SMAD1: variants seen among roughly 807,000 people sequenced by gnomAD.
The protein encoded by SMAD1 is SMAD family member 1, also known as MAD, mothers against decapentaplegic homolog 1.
SMAD1 carries 6 observed loss-of-function variants against 41.6 expected under a neutral mutation model. That is an observed-to-expected ratio of 0.14 (90% CI 0.08 to 0.28). The LOEUF (loss-of-function observed/expected upper bound fraction) is 0.28. Among genes scored for constraint, SMAD1 ranks in the 10% least tolerant of loss-of-function variants. The pLI, the probability that SMAD1 is intolerant of heterozygous loss-of-function variation, is 1.00. For missense variants in SMAD1, 379 were observed against 582.6 expected, an observed-to-expected ratio of 0.65 and a Z score of 3.60; for synonymous variants, 206 against 203.2, an observed-to-expected ratio of 1.01 and a Z score of -0.12.
chr4:145,500,087 T>C (rs1262145858), intron 1 of SMAD1, among the ~76,000 whole-genome samples: 1 of 152,230 alleles, frequency 6.6e-6, no homozygotes, highest in Non-Finnish European at 1.5e-5. Context: ...ATATCCAGAA[T>C]CTGACGACTT....
chr4:145,543,245 G>C (rs980691950), intron 4 of SMAD1, among the ~76,000 whole-genome samples: 1 of 152,182 alleles, frequency 6.6e-6, no homozygotes, highest in Non-Finnish European at 1.5e-5. Flanking sequence ...GGGATTACAG[G>C]CGTGAGCCAC....
intron 1 of SMAD1, among the ~76,000 whole-genome samples, chr4:145,492,616 A>T (rs574930755): frequency 6.6e-6 from 1 of 152,150 alleles, no homozygotes; most frequent in African/African-American, 2.4e-5. Flanking sequence ...GGCATGATTG[A>T]TTATACCATT....
intron 2 of SMAD1, among the ~76,000 whole-genome samples, chr4:145,535,472 G>A (rs1731559434): frequency 6.6e-6 from 1 of 152,178 alleles, no homozygotes; most frequent in Non-Finnish European, 1.5e-5. Context: ...CTTTGGTGTT[G>A]TTATCTGTCA....
intron 2 of SMAD1, among the ~76,000 whole-genome samples, chr4:145,538,697 T>A (rs906034933): frequency 2.0e-5 from 3 of 152,172 alleles, no homozygotes; most frequent in Non-Finnish European, 4.4e-5. Context: ...CCAACAATAA[T>A]CATAAGTTTT....
chr4:145,530,009 C>T (rs1293244958), intron 2 of SMAD1, among the ~76,000 whole-genome samples: 2 of 152,156 alleles, frequency 1.3e-5, no homozygotes, highest in Non-Finnish European at 2.9e-5. Flanking sequence ...TTATAGTAGA[C>T]AGGTCAGGAA....
intron 1 of SMAD1, among the ~76,000 whole-genome samples, chr4:145,498,913 T>C (rs912592906): frequency 7.2e-5 from 11 of 152,236 alleles, no homozygotes; most frequent in African/African-American, 2.7e-4. Context: ...AACATAGATC[T>C]TTGTGTGTGT....
chr4:145,550,545 A>G (rs1228155182), intron 5 of SMAD1, among the ~76,000 whole-genome samples: 2 of 152,160 alleles, frequency 1.3e-5, no homozygotes, highest in Non-Finnish European at 2.9e-5. Context: ...AAAACAAAAG[A>G]GATAAATAAA....
rs2126394163 is a variant in SMAD1, at chr4:145,511,781, C to T, written c.-176-2657C>T. Among the ~76,000 whole-genome samples the T allele has an allele frequency of 1.3e-5, 2 of 152,278 alleles. 1 individual carries two copies. The highest frequency in any genetic ancestry group is 1.3e-4 in the Admixed American group (2 of 15,302). ...TTAATTGTACATATATTTTAAACAT[C>T]ACAAGACATTCCTATTGTTGTTTTG... On this transcript the variant is annotated intron_variant, in intron 1 of 6. Transcript: ENST00000302085.
At chr4:145,524,041 A>G (rs1730900084) in intron 2 of SMAD1, among the ~76,000 whole-genome samples, 1 of 152,188 alleles carries the variant, frequency 6.6e-6, no homozygotes. Flanking sequence ...CTGGGATTAC[A>G]GGCATGAGCT....
At chr4:145,500,312 A>G (rs1729355748) in intron 1 of SMAD1, among the ~76,000 whole-genome samples, 3 of 151,844 alleles carry the variant, frequency 2.0e-5, no homozygotes, top group African/African-American at 7.3e-5. Context: ...TTGGGTCAAA[A>G]GCTCTGAAGT....
At position 145,539,893 on chromosome 4, in the gene SMAD1, C is replaced by A; in HGVS notation, c.490C>A (p.Pro164Thr). 3 of 1,614,028 alleles carry A rather than the reference C, an allele frequency of 1.9e-6. No individual in the cohort carries two copies. Among genetic ancestry groups the A allele is most frequent in the Non-Finnish European group, 2.5e-6 (3 of 1,179,978 alleles). Reference protein sequence around the residue: ...AQFRNLGQNEPHMPLNATFPD... With the variant: ...AQFRNLGQNETHMPLNATFPD... ...GTTCCGTAACTTAGGACAAAATGAGCCTCACATGCCACTCAACGCCACTTT... is the reference window on the plus strand; with the variant it reads ...GTTCCGTAACTTAGGACAAAATGAGACTCACATGCCACTCAACGCCACTTT... The change falls in exon 3 of 7, where the codon CCT (proline) becomes ACT (threonine). Residue 164 changes from proline (P) to threonine (T), a missense_variant. Pro to Thr is a conservative substitution (Grantham distance 38, BLOSUM62 -1). Coordinates refer to ENST00000302085, the MANE Select transcript of SMAD1 (RefSeq NM_005900.3).
intron 1 of SMAD1, among the ~76,000 whole-genome samples, chr4:145,496,745 A>G (rs1729099413): frequency 6.6e-6 from 1 of 152,092 alleles, no homozygotes; most frequent in Non-Finnish European, 1.5e-5. Context: ...ATACCAAGGG[A>G]TGACTATACT....
In SMAD1 at chr4:145,514,331, C is replaced by G; in HGVS notation, c.-176-107C>G. On this transcript the variant is annotated intron_variant, in intron 1 of 6. Coordinates refer to ENST00000302085, the MANE Select transcript of SMAD1 (RefSeq NM_005900.3). The surrounding 1 kb of genome is among the most constrained non-coding windows in gnomAD (Gnocchi z 4.7). ...GGGTCACAATTCAGTCCACAGCATA[C>G]TGTATTACATAAAAGCACTTAAAAT... 3.3e-6 allele frequency: 1 copy of G among 299,778 alleles called. No homozygotes were observed. Among genetic ancestry groups the G allele is most frequent in the Non-Finnish European group, 6.1e-6 (1 of 163,980 alleles). 18.6% of individuals were successfully genotyped at this position (299,778 alleles called of 1,614,324 possible). A position where few individuals can be genotyped will look rare whatever the true frequency, so the allele number is the denominator to read the frequency against.
chr4:145,513,627 T>TA (rs1730213173), intron 1 of SMAD1, among the ~76,000 whole-genome samples: 2 of 152,218 alleles, frequency 1.3e-5, no homozygotes, highest in African/African-American at 4.8e-5. Flanking sequence ...TTACTACATT[T>TA]ATATAAGAGG....
intron 2 of SMAD1, among the ~76,000 whole-genome samples, chr4:145,531,249 A>G (rs1230472935): frequency 1.3e-5 from 2 of 152,202 alleles, no homozygotes; most frequent in Non-Finnish European, 2.9e-5. Flanking sequence ...ATAAATGTGT[A>G]TACTATTAAT....
At chr4:145,529,158 T>G (rs1035739481) in intron 2 of SMAD1, among the ~76,000 whole-genome samples, 1 of 152,222 alleles carries the variant, frequency 6.6e-6, no homozygotes, top group African/African-American at 2.4e-5. Context: ...TTTCCAATTT[T>G]GGAACTGAGA....
chr4:145,549,804 AT>A (rs1382126099), intron 5 of SMAD1, among the ~76,000 whole-genome samples: 1 of 152,214 alleles, frequency 6.6e-6, no homozygotes, highest in Non-Finnish European at 1.5e-5. Context: ...CTCTTATATA[AT>A]TAAAGGAAAA....
At chr4:145,536,758 C>T (rs558200135) in intron 2 of SMAD1, among the ~76,000 whole-genome samples, 6 of 152,174 alleles carry the variant, frequency 3.9e-5, no homozygotes, top group Admixed American at 2.0e-4. Flanking sequence ...TACACAGTCT[C>T]GTGGTATCTC....
chr4:145,550,159 A>G lies in SMAD1; in HGVS notation c.997+3235A>G, dbSNP rs115930073. Reference sequence around the variant, plus strand: ...GCAAGATGATCATTATGTGTAGATGATATGTTTGATTGACAGTATTCTCGG... The same window carrying G: ...GCAAGATGATCATTATGTGTAGATGGTATGTTTGATTGACAGTATTCTCGG... On this transcript the variant is annotated intron_variant, in intron 5 of 6. Transcript: ENST00000302085. 3.9e-3 allele frequency among the ~76,000 whole-genome samples: 589 copies of G among 151,796 alleles called. 4 individuals are homozygous for G. Among genetic ancestry groups the G allele is most frequent in the African/African-American group, 0.014 (573 of 41,362 alleles).
Sources: gnomAD v4.1 joint callset for allele counts (sites outside exome capture counted in the v4.1 genomes callset) on GRCh38, gnomAD v4.1.1 for gene constraint, Gnocchi (gnomAD v3.1) non-coding constraint, MANE v1.5 for transcripts, NCBI Gene and HGNC (gene_info 2026-07-23, HGNC 2026-07-21) for gene names.